Variants in BTNL2 observed in about 807,000 individuals in gnomAD.
The protein encoded by BTNL2 is butyrophilin-like protein 2.
Under a neutral mutation model 46.8 loss-of-function variants are expected in BTNL2, and 46 were observed. The observed-to-expected ratio is 0.98, with a 90% CI of 0.78 to 1.26. The LOEUF is 1.26. BTNL2 is among the 50% of genes most tolerant of loss of function. The pLI is 0.00. For missense variants in BTNL2, 461 were observed against 592.6 expected (o/e 0.78, Z 2.31); for synonymous variants, 226 against 229.1 (o/e 0.99, Z 0.12).
At chr6:32,398,462 A>T (rs1776574231) in intron 4 of BTNL2, among the ~76,000 whole-genome samples, 1 of 152,218 alleles carries the variant, frequency 6.6e-6, no homozygotes, top group African/African-American at 2.4e-5. Flanking sequence ...ATTTTACCTA[A>T]AACAATATTA....
chr6:32,404,906 CTT>C, intron 2 of BTNL2, 31 bp downstream of exon 2: 1 of 1,585,504 alleles, frequency 6.3e-7, no homozygotes, highest in Non-Finnish European at 8.7e-7. Flanking sequence ...ATCTCTGCCT[CTT>C]GAGACCCTGT....
At chr6:32,402,816 A>G in intron 3 of BTNL2, 119 bp downstream of exon 3, 1 of 1,076,132 alleles carries the variant, frequency 9.3e-7, no homozygotes, top group Non-Finnish European at 1.3e-6. Context: ...TATGGCTTTC[A>G]ATACATATTG....
chr6:32,403,784 A>G (rs948151967), intron 2 of BTNL2: 1 of 154,232 alleles, frequency 6.5e-6, no homozygotes, highest in Non-Finnish European at 1.4e-5. Context: ...TAAATATTCT[A>G]TTCAATGGGT....
rs764749076 is a variant in BTNL2, at chr6:32,405,010, T to C, written c.356A>G (p.Asn119Ser). The C allele has an allele frequency of 8.7e-6, 14 of 1,612,994 alleles. No homozygotes were observed. Among genetic ancestry groups the C allele is most frequent in the East Asian group, 4.5e-5 (2 of 44,898 alleles). The change falls in exon 2 of 8, where the codon AAT becomes AGT. Residue 119 changes from asparagine to serine, a missense_variant. Transcript: ENST00000454136. ...CTGGAAATGGCACCAGTATTGTCCA[T>C]TGTCGGAGGGCTGGATGTTGTGTAT... The part of the protein sequence containing the change: ...LKIHNIQPSD[N>S]GQYWCHFQDG...
chr6:32,402,154 A>AT (rs140441841), intron 3 of BTNL2, among the ~76,000 whole-genome samples: 2,661 of 152,322 alleles, frequency 0.017, 73 homozygotes, highest in East Asian at 0.11. Context: ...AGTATCACCT[A>AT]AATTACAAAG....
intron 1 of BTNL2, chr6:32,406,661 TAAG>T (rs1174154192): frequency 1.3e-5 from 2 of 155,410 alleles, no homozygotes; most frequent in Non-Finnish European, 2.8e-5. Flanking sequence ...TAATTTATGA[TAAG>T]AAGCAGCTGC....
At position 32,404,246 on chromosome 6, in the gene BTNL2, A is replaced by G. The variant is rs149080374; in HGVS notation, c.427+693T>C. Among the ~76,000 whole-genome samples, 160 of 152,334 alleles carry G rather than the reference A, an allele frequency of 1.1e-3. No homozygotes were observed. The East Asian group carries it at 0.031, about 29-fold the overall frequency. On this transcript the variant is annotated intron_variant, in intron 2 of 7. Coordinates refer to ENST00000454136, the MANE Select transcript of BTNL2 (RefSeq NM_001304561.2). ...TGGATTTACTTGATTTTCTCTTTAGAGCATGGAGAAGTTAGCCCTGTCAGG... is the reference window on the plus strand; with the variant it reads ...TGGATTTACTTGATTTTCTCTTTAGGGCATGGAGAAGTTAGCCCTGTCAGG...
At chr6:32,398,169 T>G (rs1562250387) in intron 4 of BTNL2, among the ~76,000 whole-genome samples, 2 of 152,226 alleles carry the variant, frequency 1.3e-5, no homozygotes, top group Non-Finnish European at 2.9e-5. Flanking sequence ...TTTTCTCTAT[T>G]CTAAATTAAG....
chr6:32,394,995 T>C lies in BTNL2; in HGVS notation c.1109A>G (p.Glu370Gly). 1 of 1,605,632 alleles carries C rather than the reference T, an allele frequency of 6.2e-7. No individual in the cohort carries two copies. Among genetic ancestry groups the C allele is most frequent in the Non-Finnish European group, 8.5e-7 (1 of 1,174,592 alleles). The stretch of plus-strand genomic sequence containing the variant: ...CTGCATTTCTCCATCTTCTTGCCCC[T>C]CCACAGTGATCAGTGGGGAAGAACC... ...SLGSSPLITV[E>G]GQEDGEMQPM... is the part of the protein sequence containing the mutation. The change falls in exon 6 of 8, where the codon GAG (glutamate) becomes GGG (glycine). Residue 370 changes from glutamate to glycine, a missense_variant. Physicochemically the swap from Glu to Gly is moderately conservative, Grantham distance 98. Coordinates refer to ENST00000454136, the MANE Select transcript of BTNL2 (RefSeq NM_001304561.2). The surrounding 1 kb of genome is among the most constrained non-coding windows in gnomAD (Gnocchi z 4.6).
At position 32,396,184 on chromosome 6, in the gene BTNL2, C is replaced by T; in HGVS notation, c.933G>A (p.Arg311=). The part of the protein sequence containing the change: ...AGEQMAEYRG[R]TVLVSDAIDE... ...CAATGGCGTCACTCACCAGTACAGT[C>T]CTCCCTCTGTACTCTGCCATCTGCT... is the stretch of plus-strand genomic sequence containing the variant. The change falls in exon 5 of 8, where the codon AGG becomes AGA. Residue 311 remains arginine (R), a synonymous_variant. Transcript: ENST00000454136. The surrounding 1 kb of genome is among the most constrained non-coding windows in gnomAD (Gnocchi z 4.4). The T allele has an allele frequency of 6.2e-7, 1 of 1,613,058 alleles. No individual in the cohort carries two copies.
In BTNL2 at chr6:32,396,517, CT is replaced by C; in HGVS notation, c.731-132del. ...GGTTGCTGTGAGGCTCAGGGTCATC[CT>C]TAGGTGAGGTGGGGGTTTCATGGAC... On this transcript the variant is annotated intron_variant, in intron 4 of 7. Transcript: ENST00000454136. This position sits in a 1 kb window ranked among gnomAD's most constrained non-coding sequence, Gnocchi z 4.4. The C allele has an allele frequency of 2.3e-6, 2 of 874,588 alleles. No homozygotes were observed. The highest frequency in any genetic ancestry group is 3.6e-6 in the Non-Finnish European group (2 of 550,048). The allele number at this position is 874,588 out of a possible 1,614,324, so 54.2% of individuals were successfully genotyped here. A position where few individuals can be genotyped will look rare whatever the true frequency, so the allele number is the denominator to read the frequency against.
At chr6:32,403,354 C>G in intron 2 of BTNL2, 138 bp from the exon 3 acceptor site, 1 of 899,068 alleles carries the variant, frequency 1.1e-6, no homozygotes. Context: ...ACCTCAGTCT[C>G]CCCATTCAAA....
At chr6:32,397,037 G>T (rs1776496406) in intron 4 of BTNL2, among the ~76,000 whole-genome samples, 1 of 152,018 alleles carries the variant, frequency 6.6e-6, no homozygotes, top group African/African-American at 2.4e-5. Flanking sequence ...GGCCCCAGAT[G>T]CCTCTGTACC....
rs1777039812 is a variant in BTNL2 at position 32,405,101 on chromosome 6, C to T, written c.265G>A (p.Glu89Lys). 3.1e-6 allele frequency: 5 copies of T among 1,613,098 alleles called. No homozygotes were observed. Among genetic ancestry groups the T allele is most frequent in the Non-Finnish European group, 4.2e-6 (5 of 1,180,046 alleles). ...CACTCTACCCAGCCTCTGTACTCCTCCATCTGCATCTCAGTCACCTCCACT... is the reference window on the plus strand; with the variant it reads ...CACTCTACCCAGCCTCTGTACTCCTTCATCTGCATCTCAGTCACCTCCACT... Reference protein sequence around the residue: ...DGVEVTEMQMEEYRGWVEWIE... With the variant: ...DGVEVTEMQMKEYRGWVEWIE... Residue 89 changes from glutamate to lysine, a missense_variant, in exon 2 of 8, where the codon GAG becomes AAG. Coordinates refer to ENST00000454136, the MANE Select transcript of BTNL2 (RefSeq NM_001304561.2).
chr6:32,400,995 T>C (rs1776742939), intron 4 of BTNL2, among the ~76,000 whole-genome samples: 1 of 141,094 alleles, frequency 7.1e-6, no homozygotes, highest in Admixed American at 7.2e-5. Context: ...GATCACGAGA[T>C]CAGGAGATCG....
Position 32,396,561 on chromosome 6 carries a change from C to G in BTNL2, c.731-175G>C. The G allele has an allele frequency of 1.5e-6, 1 of 648,876 alleles. No individual in the cohort carries two copies. The allele number at this position is 648,876 out of a possible 1,614,324, so 40.2% of individuals were successfully genotyped here. ...TCATGGACTCAGAATAGAGGTTGCT[C>G]TTCTTTAAGGAGGAATCATTCCATG... is the stretch of plus-strand genomic sequence containing the variant. On this transcript the variant is annotated intron_variant, in intron 4 of 7. Transcript: ENST00000454136. The surrounding 1 kb of genome is among the most constrained non-coding windows in gnomAD (Gnocchi z 4.4).
At position 32,399,882 on chromosome 6, in the gene BTNL2, C is replaced by A. The variant is rs150110105; in HGVS notation, c.730+1903G>T. Among the ~76,000 whole-genome samples the A allele has an allele frequency of 0.018, 2,666 of 152,272 alleles. 77 individuals carry two copies. The highest frequency in any genetic ancestry group is 0.11 in the East Asian group (568 of 5,188). ...CTGGGTGTCCCATCATTAGAGCTCA[C>A]CTGCAAAGCTTCCGTGCCCAGAGCC... On this transcript the variant is annotated intron_variant, in intron 4 of 7. Transcript: ENST00000454136. The surrounding 1 kb of genome is among the most constrained non-coding windows in gnomAD (Gnocchi z 5.2).
intron 4 of BTNL2, among the ~76,000 whole-genome samples, chr6:32,401,004 C>T (rs1328517331): frequency 7.0e-6 from 1 of 142,720 alleles, no homozygotes. Context: ...ATCAGGAGAT[C>T]GAGACCATCC....
intron 5 of BTNL2, 86 bp from the exon 6 acceptor site, chr6:32,395,111 T>G: frequency 7.2e-7 from 1 of 1,395,116 alleles, no homozygotes; most frequent in South Asian, 1.4e-5. Flanking sequence ...GAAGGGGATG[T>G]GGAGGGCTTG....
Sources: gnomAD v4.1 joint callset for allele counts (sites outside exome capture counted in the v4.1 genomes callset) on GRCh38, gnomAD v4.1.1 for gene constraint, Gnocchi (gnomAD v3.1) non-coding constraint, MANE v1.5 for transcripts, NCBI Gene and HGNC (gene_info 2026-07-23, HGNC 2026-07-21) for gene names.